TRIM67: variants seen among roughly 807,000 people sequenced by gnomAD.
The protein encoded by TRIM67 is tripartite motif-containing protein 67.
A neutral mutation model predicts 71.0 loss-of-function variants in TRIM67; 39 were observed. The ratio of observed to expected loss-of-function variants is 0.55; its 90% confidence interval spans 0.43 to 0.72. The LOEUF is 0.72. TRIM67 is among the 30% of genes least tolerant of loss of function. TRIM67 has a pLI of 0.00. For synonymous variants in TRIM67, 481 were observed against 473.9 expected (o/e 1.01, Z -0.19); for missense variants, 973 against 1,079.2 (o/e 0.90, Z 1.38).
chr1:231,204,625 G>A (rs1683646268), intron 6 of TRIM67, among the ~76,000 whole-genome samples: 1 of 152,130 alleles, frequency 6.6e-6, no homozygotes, highest in African/African-American at 2.4e-5. Flanking sequence ...GCACTACCTC[G>A]AGATTTCACT....
intron 1 of TRIM67, among the ~76,000 whole-genome samples, chr1:231,170,950 A>T (rs1286870652): frequency 6.6e-6 from 1 of 152,226 alleles, no homozygotes; most frequent in South Asian, 2.1e-4. Flanking sequence ...TCAACCTGGG[A>T]GCTCACTGAA....
chr1:231,176,287 C>A (rs75857460), intron 1 of TRIM67, among the ~76,000 whole-genome samples: 1 of 152,086 alleles, frequency 6.6e-6, no homozygotes, highest in Non-Finnish European at 1.5e-5. Context: ...GATGTATATG[C>A]GCCTGATATG....
At position 231,215,561 on chromosome 1, in the gene TRIM67, C is replaced by T; in HGVS notation, c.*121C>T. The T allele has an allele frequency of 2.1e-6, 3 of 1,439,860 alleles. No individual in the cohort carries two copies. The highest frequency in any genetic ancestry group is 1.4e-5 in the African/African-American group (1 of 70,930). 89.2% of individuals were successfully genotyped at this position (1,439,860 alleles called of 1,614,324 possible). On this transcript the variant is annotated 3_prime_UTR_variant, in exon 10 of 10. Coordinates refer to ENST00000366653, the MANE Select transcript of TRIM67 (RefSeq NM_001004342.5). ...TATGCAAATCATGGGTGCAACCTGG[C>T]AGCGTGGAGTGTCATAGAAACACAT...
chr1:231,173,183 G>A (rs58771287), intron 1 of TRIM67, among the ~76,000 whole-genome samples: 7 of 152,240 alleles, frequency 4.6e-5, no homozygotes, highest in Admixed American at 1.3e-4. Context: ...AAATTGACAA[G>A]TAAATGAACA....
intron 1 of TRIM67, among the ~76,000 whole-genome samples, chr1:231,189,260 T>C (rs1310888005): frequency 6.6e-6 from 1 of 152,224 alleles, no homozygotes; most frequent in Admixed American, 6.5e-5. Flanking sequence ...TTGCCAGTCA[T>C]AGCAGGCTCA....
Position 231,203,869 on chromosome 1 carries a change from C to G in TRIM67, c.1537C>G (p.Pro513Ala), listed in dbSNP as rs777460914. ...ACTCATGTGTGTCCCCCTCGCAGTGCCACCCGTCCCCCTACTGCAGCTGGA... is the reference window on the plus strand; with the variant it reads ...ACTCATGTGTGTCCCCCTCGCAGTGGCACCCGTCCCCCTACTGCAGCTGGA... Reference protein sequence around the residue: ...LDFIQMKCRVPPVPLLQLEKC... With the variant: ...LDFIQMKCRVAPVPLLQLEKC... The change falls in exon 6 of 10, where the codon CCA (proline) becomes GCA (alanine). Residue 513 changes from proline to alanine, a missense_variant and splice_region_variant. This residue lies in a region of TRIM67 where 795 missense variants were observed against 831.3 expected (regional missense o/e 0.96). Coordinates refer to ENST00000366653, the MANE Select transcript of TRIM67 (RefSeq NM_001004342.5). The G allele has an allele frequency of 1.2e-5, 19 of 1,612,954 alleles. No homozygotes were observed. The highest frequency in any genetic ancestry group is 1.5e-5 in the Non-Finnish European group (18 of 1,179,602).
rs1571911469 is a variant in TRIM67, at chr1:231,220,823, G to A, written c.*5383G>A. 1 of 152,452 alleles carries A rather than the reference G, an allele frequency of 6.6e-6. No homozygotes were observed. The allele number at this position is 152,452 out of a possible 1,614,324, so 9.4% of individuals were successfully genotyped here. A position where few individuals can be genotyped will look rare whatever the true frequency, so the allele number is the denominator to read the frequency against. On this transcript the variant is annotated 3_prime_UTR_variant, in exon 10 of 10. Coordinates refer to ENST00000366653, the MANE Select transcript of TRIM67 (RefSeq NM_001004342.5). ...GAGCACAGTCCTGGGAAAGGCCTAG[G>A]GACCTGTGGGCCGGTGATGCGGGCA...
intron 9 of TRIM67, among the ~76,000 whole-genome samples, chr1:231,214,264 A>G (rs1683952819): frequency 6.6e-6 from 1 of 152,114 alleles, no homozygotes; most frequent in African/African-American, 2.4e-5. Context: ...TGAAACAGAG[A>G]GAGACAAGAA....
intron 8 of TRIM67, 103 bp from the exon 9 acceptor site, chr1:231,213,712 C>G: frequency 7.3e-7 from 1 of 1,371,162 alleles, no homozygotes; most frequent in Admixed American, 2.5e-5. Context: ...GCCTGGGTGA[C>G]AGAGTGAGAC....
At chr1:231,204,088 C>G (rs1298428100) in intron 6 of TRIM67, 76 bp downstream of exon 6, 20 of 1,582,610 alleles carry the variant, frequency 1.3e-5, no homozygotes, top group Non-Finnish European at 1.6e-5. Context: ...CTGCCCCAGA[C>G]TCTGGTTCAG....
chr1:231,185,612 C>T (rs1216554709), intron 1 of TRIM67, among the ~76,000 whole-genome samples: 1 of 151,886 alleles, frequency 6.6e-6, no homozygotes, highest in Non-Finnish European at 1.5e-5. Flanking sequence ...TGCCCTTTTG[C>T]AGCTCCCCAG....
intron 1 of TRIM67, among the ~76,000 whole-genome samples, chr1:231,176,524 A>T (rs1171739743): frequency 6.6e-6 from 1 of 152,226 alleles, no homozygotes; most frequent in African/African-American, 2.4e-5. Context: ...TGAGGCATTA[A>T]AGAAGATGTT....
At chr1:231,193,986 A>G (rs952989909) in intron 1 of TRIM67, among the ~76,000 whole-genome samples, 1 of 152,190 alleles carries the variant, frequency 6.6e-6, no homozygotes, top group African/African-American at 2.4e-5. Flanking sequence ...GGCCAAAAAT[A>G]CTATATCCAA....
intron 1 of TRIM67, among the ~76,000 whole-genome samples, chr1:231,169,368 C>CTTTTT (rs775082418): frequency 1.7e-4 from 14 of 81,656 alleles, no homozygotes; most frequent in Non-Finnish European, 2.5e-4. Context: ...ATTCTTTTCT[C>CTTTTT]TTTTTTTTTT....
chr1:231,204,011 G>T lies in TRIM67; in HGVS notation c.1679G>T (p.Arg560Leu). Residue 560 changes from arginine (R) to leucine (L), a missense_variant and splice_region_variant, in exon 6 of 10, where the codon CGG becomes CTG. Transcript: ENST00000366653. Reference protein sequence around the residue: ...ELDDGAGGQFREVYVGKETLC... With the variant: ...ELDDGAGGQFLEVYVGKETLC... Reference sequence around the variant, plus strand: ...GACGACGGTGCCGGGGGACAGTTCCGGGTGAGGCCTTGCTGCTTATTTGGC... The same window carrying T: ...GACGACGGTGCCGGGGGACAGTTCCTGGTGAGGCCTTGCTGCTTATTTGGC... 2 of 1,613,892 alleles carry T rather than the reference G, an allele frequency of 1.2e-6. No homozygotes were observed. Among genetic ancestry groups the T allele is most frequent in the Non-Finnish European group, 1.7e-6 (2 of 1,179,842 alleles).
In TRIM67 at chr1:231,215,371, C is replaced by T; in HGVS notation, c.2287-4C>T. On this transcript the variant is annotated splice_polypyrimidine_tract_variant and splice_region_variant and intron_variant, in intron 9 of 9. Coordinates refer to ENST00000366653, the MANE Select transcript of TRIM67 (RefSeq NM_001004342.5). The stretch of plus-strand genomic sequence containing the variant: ...ACCCTCACTTGCCCTGTCTTCTTTT[C>T]CAGGTCACCCTGCACACAGGATTGG... 6.2e-7 allele frequency: 1 copy of T among 1,612,516 alleles called. No individual in the cohort carries two copies. Among genetic ancestry groups the T allele is most frequent in the Non-Finnish European group, 8.5e-7 (1 of 1,179,020 alleles).
intron 1 of TRIM67, chr1:231,186,284 T>C (rs1683073510): frequency 1.1e-6 from 1 of 929,634 alleles, no homozygotes; most frequent in Non-Finnish European, 1.7e-6. Flanking sequence ...ACATCTCTAG[T>C]TGGAACAGGA....
At position 231,218,769 on chromosome 1, in the gene TRIM67, T is replaced by C; in HGVS notation, c.*3329T>C. On this transcript the variant is annotated 3_prime_UTR_variant, in exon 10 of 10. Transcript: ENST00000366653. The stretch of plus-strand genomic sequence containing the variant: ...CCTAGGTGCCCTATGGCCCACCAAG[T>C]TTGAGGAGGGTGGTGCTTTCCGGAT... The C allele has an allele frequency of 1.0e-6, 1 of 985,392 alleles. No homozygotes were observed. Among genetic ancestry groups the C allele is most frequent in the Non-Finnish European group, 1.2e-6 (1 of 829,932 alleles). 61.0% of individuals were successfully genotyped at this position (985,392 alleles called of 1,614,324 possible). A position where few individuals can be genotyped will look rare whatever the true frequency, so the allele number is the denominator to read the frequency against.
At chr1:231,203,753 A>C in intron 5 of TRIM67, 114 bp from the exon 6 acceptor site, 5 of 1,359,024 alleles carry the variant, frequency 3.7e-6, no homozygotes, top group Non-Finnish European at 4.9e-6. Flanking sequence ...CAGGGAGGGA[A>C]TTTAGCCTGG....
Sources: allele counts gnomAD v4.1 joint callset (sites outside exome capture counted in the v4.1 genomes callset), GRCh38; gene constraint gnomAD v4.1.1; regional missense constraint gnomAD v4.1.1; transcripts MANE v1.5; gene names NCBI Gene and HGNC (gene_info 2026-07-23, HGNC 2026-07-21).